The following DENND2B variants were observed in gnomAD, a reference collection of about 807,000 sequenced individuals.
The protein encoded by DENND2B is DENN domain-containing protein 2B.
Under a neutral mutation model 116.0 loss-of-function variants are expected in DENND2B, and 32 were observed. The observed-to-expected ratio is 0.28, with a 90% CI of 0.21 to 0.37. The LOEUF is 0.37. DENND2B is among the 10% of genes least tolerant of loss of function. DENND2B has a pLI of 1.00. For synonymous variants in DENND2B, 588 were observed against 583.9 expected, an observed-to-expected ratio of 1.01 and a Z score of -0.10; for missense variants, 1,276 against 1,477.7, an observed-to-expected ratio of 0.86 and a Z score of 2.24.
intron 4 of DENND2B, among the ~76,000 whole-genome samples, chr11:8,830,517 T>C (rs1187596113): frequency 6.6e-6 from 1 of 152,224 alleles, no homozygotes; most frequent in African/African-American, 2.4e-5. Context: ...AATATTTGCA[T>C]CACAATGTCA....
chr11:8,832,204 G>A (rs2062235089), intron 4 of DENND2B, among the ~76,000 whole-genome samples: 2 of 152,022 alleles, frequency 1.3e-5, no homozygotes, highest in Admixed American at 6.5e-5. Flanking sequence ...TGTAATCCCA[G>A]CACTATTGGA....
chr11:8,737,009 A>C (rs1173593387), intron 2 of DENND2B, among the ~76,000 whole-genome samples: 3 of 152,190 alleles, frequency 2.0e-5, no homozygotes, highest in Admixed American at 6.5e-5. Context: ...GATGACTCGG[A>C]TCAGAAGGGT....
chr11:8,869,179 A>C (rs1455240691), intron 2 of DENND2B, among the ~76,000 whole-genome samples: 1 of 152,200 alleles, frequency 6.6e-6, no homozygotes, highest in Non-Finnish European at 1.5e-5. Flanking sequence ...CTCAAGACCA[A>C]GGATTTCCCT....
intron 2 of DENND2B, among the ~76,000 whole-genome samples, chr11:8,746,218 G>A (rs536155743): frequency 2.0e-5 from 3 of 151,716 alleles, no homozygotes; most frequent in East Asian, 1.9e-4. Context: ...AGCTTCCCCC[G>A]ATCTAAGGCA....
intron 1 of DENND2B, among the ~76,000 whole-genome samples, chr11:8,883,700 A>G (rs559971322): frequency 6.6e-6 from 1 of 152,320 alleles, no homozygotes; most frequent in Non-Finnish European, 1.5e-5. Context: ...TTGCTGAACA[A>G]AGAATACAAT....
intron 14 of DENND2B, among the ~76,000 whole-genome samples, chr11:8,701,343 CCG>C (rs1491297509): frequency 2.1e-4 from 2 of 9,646 alleles, no homozygotes; most frequent in African/African-American, 5.4e-4. Context: ...AGGCCAGCTT[CCG>C]GGGGGGGGGG....
In DENND2B at chr11:8,783,192, C is replaced by T. The variant is rs1300753485; in HGVS notation, c.-26+27325G>A. ...ACCTTAGCCTCTTGAAAAGCTGGGACTACAGGCATGTAGCACCACACCAGC... is the reference window on the plus strand; with the variant it reads ...ACCTTAGCCTCTTGAAAAGCTGGGATTACAGGCATGTAGCACCACACCAGC... On this transcript the variant is annotated intron_variant, in intron 1 of 19. Transcript: ENST00000313726. Among the ~76,000 whole-genome samples the T allele has an allele frequency of 3.9e-5, 6 of 152,054 alleles. No homozygotes were observed. In the East Asian group the frequency reaches 9.7e-4, roughly 25 times the overall value.
chr11:8,761,141 T>G (rs1273890420), intron 1 of DENND2B, among the ~76,000 whole-genome samples: 7 of 152,200 alleles, frequency 4.6e-5, no homozygotes, highest in Non-Finnish European at 1.0e-4. Flanking sequence ...AAAGCTGGGT[T>G]TACACACTTC....
At chr11:8,727,286 G>A (rs2047233441) in intron 3 of DENND2B, among the ~76,000 whole-genome samples, 1 of 152,176 alleles carries the variant, frequency 6.6e-6, no homozygotes, top group Admixed American at 6.5e-5. Context: ...TCTCCTGAGA[G>A]TCCTAGGGTG....
chr11:8,718,434 T>C (rs1565709198), intron 4 of DENND2B: 2 of 1,524,044 alleles, frequency 1.3e-6, no homozygotes, highest in Admixed American at 2.0e-5. Context: ...TCACCTACGA[T>C]GCCGTTCAAC....
At chr11:8,812,406 C>T (rs965795271), upstream of DENND2B, among the ~76,000 whole-genome samples, 3 of 152,102 alleles carry the variant, frequency 2.0e-5, no homozygotes, top group Non-Finnish European at 4.4e-5. Context: ...CTTTTCTAAA[C>T]GACTCTCAAA....
Position 8,693,944 on chromosome 11 carries a change from C to T in DENND2B, c.*152G>A. Reference sequence around the variant, plus strand: ...ACAGCAGATTATTTACAAACAGTATCCTGGGATATGATGAAGGCAGAGGTG... The same window carrying T: ...ACAGCAGATTATTTACAAACAGTATTCTGGGATATGATGAAGGCAGAGGTG... On this transcript the variant is annotated 3_prime_UTR_variant, in exon 20 of 20. Transcript: ENST00000313726. 1 of 693,052 alleles carries T rather than the reference C, an allele frequency of 1.4e-6. No individual in the cohort carries two copies. Among genetic ancestry groups the T allele is most frequent in the Non-Finnish European group, 2.4e-6 (1 of 408,590 alleles). 42.9% of individuals were successfully genotyped at this position (693,052 alleles called of 1,614,324 possible).
At chr11:8,718,524 C>G in intron 4 of DENND2B, 1 of 1,442,974 alleles carries the variant, frequency 6.9e-7, no homozygotes, top group Non-Finnish European at 9.1e-7. Context: ...AGGAAGTGTT[C>G]AGTAATGATC....
chr11:8,798,893 T>C (rs1037047040), intron 1 of DENND2B, among the ~76,000 whole-genome samples: 1 of 141,418 alleles, frequency 7.1e-6, no homozygotes, highest in Non-Finnish European at 1.5e-5. Context: ...AACAGCACAA[T>C]CTCAGCTCAC....
intron 2 of DENND2B, 43 bp from the exon 3 acceptor site, chr11:8,731,252 G>C: frequency 6.9e-7 from 1 of 1,446,014 alleles, no homozygotes; most frequent in Non-Finnish European, 9.1e-7. Flanking sequence ...GAAAATGGCA[G>C]TGAGTGGCTG....
chr11:8,824,510 G>A (rs1008089221), intron 4 of DENND2B, among the ~76,000 whole-genome samples: 31 of 152,104 alleles, frequency 2.0e-4, no homozygotes, highest in Non-Finnish European at 4.3e-4. Flanking sequence ...CTCCATCCAT[G>A]TTCCTGCAAA....
Position 8,880,345 on chromosome 11 carries a change from C to CTGGGGGTGTGTG in DENND2B, c.-156+664_-156+665insCACACACCCCCA, listed in dbSNP as rs71485245. Among the ~76,000 whole-genome samples the CTGGGGGTGTGTG allele has an allele frequency of 2.5e-5, 3 of 120,552 alleles. No homozygotes were observed. In the East Asian group the frequency reaches 7.3e-4, roughly 29 times the overall value. The allele number at this position is 120,552 out of a possible 152,430, so 79.1% of individuals were successfully genotyped here. On this transcript the variant is annotated intron_variant, in intron 2 of 22. Coordinates refer to the DENND2B transcript ENST00000534127. ...ATGCACTGGAAGCTGTCACTTTGAA[C>CTGGGGGTGTGTG]TGTGTGTGTGTGTGTGTGTGTGTGT...
At position 8,730,350 on chromosome 11, in the gene DENND2B, T is replaced by C; in HGVS notation, c.940A>G (p.Lys314Glu). ...GAGCCCAAGGTTCCAGTCTTCCTTT[T>C]CCCCCGGTCCACGCTGTAGCAGCTG... ...PSSCYSVDRG[K>E]RKTGTLGSLE... Residue 314 changes from lysine to glutamate, a missense_variant, in exon 3 of 20, where the codon AAA (lysine) becomes GAA (glutamate). Lys to Glu is a moderately conservative substitution (Grantham distance 56, BLOSUM62 1). Transcript: ENST00000313726. The surrounding 1 kb of genome is among the most constrained non-coding windows in gnomAD (Gnocchi z 4.1). 1.2e-6 allele frequency: 2 copies of C among 1,600,212 alleles called. No homozygotes were observed. Among genetic ancestry groups the C allele is most frequent in the Non-Finnish European group, 1.7e-6 (2 of 1,178,174 alleles).
At chr11:8,722,414 G>A (rs1037633375) in intron 4 of DENND2B, among the ~76,000 whole-genome samples, 5 of 152,170 alleles carry the variant, frequency 3.3e-5, no homozygotes, top group East Asian at 1.9e-4. Context: ...CTGATCCAGC[G>A]GGGTCAGAGT....
Sources: allele counts gnomAD v4.1 joint callset (sites outside exome capture counted in the v4.1 genomes callset), GRCh38; gene constraint gnomAD v4.1.1; non-coding constraint Gnocchi (gnomAD v3.1); transcripts MANE v1.5; gene names NCBI Gene and HGNC (gene_info 2026-07-23, HGNC 2026-07-21).